Variants in SVEP1 observed in about 807,000 individuals in gnomAD.
SVEP1 encodes sushi, von Willebrand factor type A, EGF and pentraxin domain containing 1, also known as sushi, von Willebrand factor type A, EGF and pentraxin domain-containing protein 1.
A neutral mutation model predicts 367.3 loss-of-function variants in SVEP1; 164 were observed. The observed-to-expected ratio is 0.45, with a 90% CI of 0.39 to 0.51. The LOEUF (loss-of-function observed/expected upper bound fraction) is 0.51, where lower values mean the gene tolerates loss of function less well. Among genes scored for constraint, SVEP1 ranks in the 20% least tolerant of loss-of-function variants. The pLI is 0.00. For missense variants in SVEP1, 4,117 were observed against 4,425.3 expected (o/e 0.93, Z 1.98); for synonymous variants, 1,666 against 1,611.6 (o/e 1.03, Z -0.81).
At chr9:110,372,802 A>G (rs1458226313) in intron 46 of SVEP1, among the ~76,000 whole-genome samples, 3 of 152,202 alleles carry the variant, frequency 2.0e-5, no homozygotes, top group African/African-American at 7.2e-5. Flanking sequence ...TGGTAGGATA[A>G]CAAGTGAGTT....
chr9:110,430,362 C>G lies in SVEP1; in HGVS notation c.5442G>C (p.Ser1814=). 2 of 1,613,434 alleles carry G rather than the reference C, an allele frequency of 1.2e-6. No individual in the cohort carries two copies. The highest frequency in any genetic ancestry group is 1.1e-5 in the South Asian group (1 of 90,982). ...IYTVGAEVTF[S]CQEGYQLMGV... ...CCATCAACTGGTATCCTTCCTGACA[C>G]GAAAATGTGACTTCGGCACCTACTG... Residue 1814 remains serine (S), a synonymous_variant, in exon 33 of 48, where the codon TCG becomes TCC. Transcript: ENST00000374469.
intron 46 of SVEP1, among the ~76,000 whole-genome samples, 185 bp downstream of exon 46, chr9:110,375,183 G>A (rs749252489): frequency 2.0e-5 from 3 of 152,162 alleles, no homozygotes; most frequent in Admixed American, 6.5e-5. Context: ...ACCTGGAAAC[G>A]TGTTTAGGCA....
intron 1 of SVEP1, among the ~76,000 whole-genome samples, chr9:110,555,100 C>T (rs1021241729): frequency 2.3e-4 from 35 of 152,202 alleles, no homozygotes; most frequent in African/African-American, 7.9e-4. Flanking sequence ...CTCACCTCCA[C>T]GGACACCCAC....
chr9:110,415,567 C>T (rs1564136803), intron 36 of SVEP1, among the ~76,000 whole-genome samples: 4 of 151,960 alleles, frequency 2.6e-5, no homozygotes, highest in Non-Finnish European at 2.9e-5. Context: ...TTGAACAGAG[C>T]GATGCCATCC....
rs912954505 is a variant in SVEP1 at position 110,408,585 on chromosome 9, T to C, written c.7015A>G (p.Thr2339Ala). 6.2e-7 allele frequency: 1 copy of C among 1,613,796 alleles called. No homozygotes were observed. Among genetic ancestry groups the C allele is most frequent in the African/African-American group, 1.3e-5 (1 of 74,876 alleles). ...AATGTCACAACTCCTACCTCGGTGG[T>C]CAACTCCTTTAATACTAGCTGGTTT... ...LENQLVLKEL[T>A]TEVGVVTFSC... is the part of the protein sequence containing the mutation. Residue 2339 changes from threonine (T) to alanine (A), a missense_variant, in exon 38 of 48, where the codon ACC (threonine) becomes GCC (alanine). This residue lies in a region of SVEP1 where 1,765 missense variants were observed against 1,781.1 expected (regional missense o/e 0.99). Transcript: ENST00000374469.
intron 1 of SVEP1, among the ~76,000 whole-genome samples, chr9:110,555,517 A>G (rs1267753561): frequency 6.6e-6 from 1 of 152,196 alleles, no homozygotes; most frequent in Non-Finnish European, 1.5e-5. Context: ...ATATTAATGT[A>G]GCTCCTGTCA....
chr9:110,486,657 T>TC (rs1564156329), intron 9 of SVEP1, among the ~76,000 whole-genome samples: 39 of 16,800 alleles, frequency 2.3e-3, no homozygotes, highest in African/African-American at 0.016. Context: ...CTCTCTCTCT[T>TC]TTTTTTTTTA....
intron 12 of SVEP1, among the ~76,000 whole-genome samples, chr9:110,480,556 A>G (rs1564154730): frequency 6.6e-6 from 1 of 152,176 alleles, no homozygotes; most frequent in Non-Finnish European, 1.5e-5. Flanking sequence ...TGAAGAGACT[A>G]TGATTGATGT....
intron 5 of SVEP1, among the ~76,000 whole-genome samples, chr9:110,508,894 CA>C (rs1829668244): frequency 6.6e-6 from 1 of 151,770 alleles, no homozygotes; most frequent in Non-Finnish European, 1.5e-5. Context: ...TCAACATCCA[CA>C]AAAACATTAA....
At chr9:110,396,433 A>G (rs1257262844) in intron 40 of SVEP1, among the ~76,000 whole-genome samples, 1 of 152,210 alleles carries the variant, frequency 6.6e-6, no homozygotes, top group Non-Finnish European at 1.5e-5. Context: ...ATCACAACTA[A>G]AAGAACTAGA....
At chr9:110,375,674 A>G (rs182888857) in intron 45 of SVEP1, among the ~76,000 whole-genome samples, 6 of 152,328 alleles carry the variant, frequency 3.9e-5, no homozygotes, top group Admixed American at 3.3e-4. Flanking sequence ...CTGGATTCTT[A>G]GCCACATGTA....
Position 110,411,615 on chromosome 9 carries a change from T to C in SVEP1, c.6096A>G (p.Pro2032=), listed in dbSNP as rs761030689. The C allele has an allele frequency of 6.2e-7, 1 of 1,613,410 alleles. No homozygotes were observed. Among genetic ancestry groups the C allele is most frequent in the Non-Finnish European group, 8.5e-7 (1 of 1,179,686 alleles). ...CTCCAAAGAGCCGATGGGCAGTCTC[T>C]GGAGAGGCGTGGTCCACAATGGGTG... is the stretch of plus-strand genomic sequence containing the variant. ...DEPPIVDHAS[P]ETAHRLFGDI... Residue 2032 remains proline (P), a synonymous_variant, in exon 37 of 48, where the codon CCA becomes CCG. Transcript: ENST00000374469.
rs1827190588 is a variant in SVEP1 at position 110,365,794 on chromosome 9, C to A, written c.*745G>T. 1 of 152,192 alleles carries A rather than the reference C, an allele frequency of 6.6e-6. No individual in the cohort carries two copies. The highest frequency in any genetic ancestry group is 2.4e-5 in the African/African-American group (1 of 41,438). The allele number at this position is 152,192 out of a possible 1,614,324, so 9.4% of individuals were successfully genotyped here. The stretch of plus-strand genomic sequence containing the variant: ...TCAGCTCTTTGTTAATCTTCCAGTT[C>A]TTGCATTTCTTATTCCAGCCACGAG... On this transcript the variant is annotated 3_prime_UTR_variant, in exon 48 of 48. Coordinates refer to ENST00000374469, the MANE Select transcript of SVEP1 (RefSeq NM_153366.4).
rs751162017 is a variant in SVEP1, at chr9:110,434,400, G to A, written c.4995C>T (p.Val1665=). 2 of 1,613,252 alleles carry A rather than the reference G, an allele frequency of 1.2e-6. No homozygotes were observed. The highest frequency in any genetic ancestry group is 1.1e-5 in the South Asian group (1 of 90,914). ...NLFCDPGFQL[V]GNPVQYCLNQ... is the part of the protein sequence containing the mutation. Reference sequence around the variant, plus strand: ...TCAGACAGTACTGCACAGGGTTCCCGACCAGCTGGAAGCCTGGATCACAGA... The same window carrying A: ...TCAGACAGTACTGCACAGGGTTCCCAACCAGCTGGAAGCCTGGATCACAGA... The change falls in exon 30 of 48, where the codon GTC becomes GTT. Residue 1665 remains valine, a synonymous_variant. Transcript: ENST00000374469.
At chr9:110,495,577 G>A (rs570574221) in intron 8 of SVEP1, among the ~76,000 whole-genome samples, 44 of 152,144 alleles carry the variant, frequency 2.9e-4, no homozygotes, top group Non-Finnish European at 4.4e-4. Context: ...CACAATGATC[G>A]GAACAGCTAT....
In SVEP1 at chr9:110,390,547, C is replaced by T. The variant is rs564587580; in HGVS notation, c.9823-960G>A. 8.0e-5 allele frequency among the ~76,000 whole-genome samples: 12 copies of T among 150,706 alleles called. No homozygotes were observed. In the South Asian group the frequency reaches 2.5e-3, roughly 32 times the overall value. On this transcript the variant is annotated intron_variant, in intron 40 of 47. Transcript: ENST00000374469. ...AAGCATACAATCTAAAAATGCAAAC[C>T]CCCAGAAACTATTTGGTTCACATGA...
chr9:110,496,956 T>C, intron 7 of SVEP1, 23 bp from the exon 8 acceptor site: 2 of 1,439,700 alleles, frequency 1.4e-6, no homozygotes, highest in South Asian at 1.2e-5. Flanking sequence ...AATACACAAG[T>C]AGATTAATAC....
At chr9:110,414,713 G>C (rs1229069098) in intron 36 of SVEP1, among the ~76,000 whole-genome samples, 2 of 151,902 alleles carry the variant, frequency 1.3e-5, no homozygotes, top group Non-Finnish European at 2.9e-5. Flanking sequence ...TGCCTGGAGA[G>C]CTTTATGACA....
At chr9:110,434,046 T>A (rs891542009) in intron 30 of SVEP1, among the ~76,000 whole-genome samples, 1 of 152,098 alleles carries the variant, frequency 6.6e-6, no homozygotes, top group African/African-American at 2.4e-5. Flanking sequence ...TGTTTCCCCC[T>A]CCAGCAATGA....
Sources: gnomAD v4.1 joint callset for allele counts (sites outside exome capture counted in the v4.1 genomes callset) on GRCh38, gnomAD v4.1.1 for gene constraint, gnomAD v4.1.1 regional missense constraint, MANE v1.5 for transcripts, NCBI Gene and HGNC (gene_info 2026-07-23, HGNC 2026-07-21) for gene names.